ELMO2: variants seen among roughly 807,000 people sequenced by gnomAD.
ELMO2 encodes the protein engulfment and cell motility protein 2.
ELMO2 carries 37 observed loss-of-function variants against 96.2 expected under a neutral mutation model. That is an observed-to-expected ratio of 0.38 (90% CI 0.30 to 0.51). The LOEUF (loss-of-function observed/expected upper bound fraction) is 0.51. Among genes scored for constraint, ELMO2 ranks in the 20% least tolerant of loss-of-function variants. ELMO2 has a pLI of 0.88. For synonymous variants in ELMO2, 315 were observed against 329.4 expected (o/e 0.96, Z 0.47); for missense variants, 561 against 912.6 (o/e 0.61, Z 4.96).
Position 46,375,886 on chromosome 20 carries a change from GGAACA to G in ELMO2, c.808-101_808-97del. The stretch of plus-strand genomic sequence containing the variant: ...AGGAAAAGGAATGTATGTTGGGAAG[GGAACA>G]GAGCTTTCCTCCCACACACGAGGAC... On this transcript the variant is annotated intron_variant, in intron 11 of 21. Transcript: ENST00000290246. The surrounding 1 kb of genome is among the most constrained non-coding windows in gnomAD (Gnocchi z 4.6). The G allele has an allele frequency of 2.0e-6, 3 of 1,505,040 alleles. No individual in the cohort carries two copies. Among genetic ancestry groups the G allele is most frequent in the Admixed American group, 1.9e-5 (1 of 52,702 alleles). The allele number at this position is 1,505,040 out of a possible 1,614,324, so 93.2% of individuals were successfully genotyped here.
chr20:46,399,313 C>T (rs929969487), intron 1 of ELMO2, among the ~76,000 whole-genome samples: 3 of 152,218 alleles, frequency 2.0e-5, no homozygotes, highest in Non-Finnish European at 2.9e-5. Context: ...CACACTCCCT[C>T]GTGTGCTATT....
chr20:46,374,752 C>T, intron 13 of ELMO2, 112 bp from the exon 14 acceptor site: 1 of 857,480 alleles, frequency 1.2e-6, no homozygotes, highest in Admixed American at 2.3e-5. Flanking sequence ...CAGCACCCAC[C>T]TCTGTCCTAG....
Position 46,374,642 on chromosome 20 carries a change from T to C in ELMO2, c.1066-2A>G, listed in dbSNP as rs2059817967. 6.2e-7 allele frequency: 1 copy of C among 1,613,910 alleles called. No individual in the cohort carries two copies. The stretch of plus-strand genomic sequence containing the variant: ...GTCCATGGCTGGATTGATGTGGTTC[T>C]AGAGAAATAAAGACACCCAATTTGA... On this transcript the variant is annotated splice_acceptor_variant, in intron 13 of 21. Transcript: ENST00000290246. LOFTEE classifies it high-confidence loss of function.
intron 20 of ELMO2, 102 bp from the exon 21 acceptor site, chr20:46,369,070 G>T: frequency 9.5e-7 from 1 of 1,056,766 alleles, no homozygotes; most frequent in Non-Finnish European, 1.5e-6. Context: ...CACCAAACAT[G>T]CTGATTCAGA....
rs1322160860 is a variant in ELMO2 at position 46,370,578 on chromosome 20, T to C, written c.1802-53A>G. On this transcript the variant is annotated intron_variant, in intron 19 of 21. Transcript: ENST00000290246. Reference sequence around the variant, plus strand: ...GAAGTTCATGCTGCAAGCTGGTCAGTGCCTACATCAGTGCTGGAAGGGAGG... The same window carrying C: ...GAAGTTCATGCTGCAAGCTGGTCAGCGCCTACATCAGTGCTGGAAGGGAGG... 8 of 1,549,518 alleles carry C rather than the reference T, an allele frequency of 5.2e-6. No individual in the cohort carries two copies. In the African/African-American group the frequency reaches 1.1e-4, roughly 21 times the overall value.
intron 16 of ELMO2, chr20:46,373,102 C>A: frequency 3.0e-6 from 1 of 338,500 alleles, no homozygotes; most frequent in Non-Finnish European, 5.5e-6. Context: ...ACTCAATAAA[C>A]CACAGTGAGT....
rs750012831 is a variant in ELMO2, at chr20:46,374,539, G to T, written c.1167C>A (p.Ile389=). The T allele has an allele frequency of 6.2e-7, 1 of 1,614,050 alleles. No homozygotes were observed. The highest frequency in any genetic ancestry group is 1.3e-5 in the African/African-American group (1 of 74,926). Residue 389 remains isoleucine (I), a synonymous_variant, in exon 14 of 22, where the codon ATC becomes ATA. Coordinates refer to ENST00000290246, the MANE Select transcript of ELMO2 (RefSeq NM_133171.5). ...YLAKVHQDTY[I]RIVLENSSRE... ...AGGCCAGCTCCCCTGCCTTTACCCG[G>T]ATGTAGGTGTCCTGGTGGACTTTAG...
intron 8 of ELMO2, among the ~76,000 whole-genome samples, 168 bp from the exon 9 acceptor site, chr20:46,386,443 T>G (rs993670424): frequency 2.6e-5 from 4 of 152,246 alleles, no homozygotes; most frequent in African/African-American, 9.6e-5. Context: ...GTGCCAGGGA[T>G]TCCCTTGGCA....
At chr20:46,386,021 G>A in intron 9 of ELMO2, 103 bp downstream of exon 9, 2 of 1,340,434 alleles carry the variant, frequency 1.5e-6, no homozygotes, top group Non-Finnish European at 2.0e-6. Flanking sequence ...CCAACCAACA[G>A]CTTGGAATAT....
chr20:46,380,214 G>A, intron 11 of ELMO2, 39 bp downstream of exon 11: 3 of 1,523,022 alleles, frequency 2.0e-6, no homozygotes, highest in Admixed American at 1.7e-5. Flanking sequence ...AATAATTGTT[G>A]TTAATAGTAA....
intron 1 of ELMO2, among the ~76,000 whole-genome samples, chr20:46,403,351 G>T (rs547304015): frequency 4.6e-5 from 7 of 152,334 alleles, no homozygotes; most frequent in African/African-American, 1.7e-4. Flanking sequence ...ACAATGCCTG[G>T]CAAATAAGAA....
intron 9 of ELMO2, 57 bp from the exon 10 acceptor site, chr20:46,383,551 T>C (rs2059993227): frequency 6.9e-7 from 1 of 1,448,730 alleles, no homozygotes; most frequent in African/African-American, 1.4e-5. Context: ...AGCAAGATGA[T>C]GCTTAGAAAT....
chr20:46,380,030 T>C (rs1427185252), intron 11 of ELMO2: 2 of 460,642 alleles, frequency 4.3e-6, no homozygotes, highest in African/African-American at 3.9e-5. Flanking sequence ...CCTTGGTCCC[T>C]CCCTGGACGC....
rs749053010 is a variant in ELMO2 at position 46,371,533 on chromosome 20, C to T, written c.1693+46G>A. 29 of 1,605,048 alleles carry T rather than the reference C, an allele frequency of 1.8e-5. No individual in the cohort carries two copies. Among genetic ancestry groups the T allele is most frequent in the Non-Finnish European group, 2.0e-5 (23 of 1,173,924 alleles). On this transcript the variant is annotated intron_variant, in intron 18 of 21. Transcript: ENST00000290246. This position sits in a 1 kb window ranked among gnomAD's most constrained non-coding sequence, Gnocchi z 5.9. ...AGGCCTGGGCACAAAAGGGGCCATC[C>T]AGGCAGGCTCTTCCCGGCACCAAGG...
Position 46,393,591 on chromosome 20 carries a change from G to A in ELMO2, c.130C>T (p.Pro44Ser), listed in dbSNP as rs1301826964. 2 of 1,613,736 alleles carry A rather than the reference G, an allele frequency of 1.2e-6. No homozygotes were observed. The highest frequency in any genetic ancestry group is 1.7e-6 in the Non-Finnish European group (2 of 1,180,012). ...IKEVCDGWSL[P>S]NPEYYTLRYA... is the part of the protein sequence containing the mutation. The stretch of plus-strand genomic sequence containing the variant: ...CGGAGGGTATAATACTCTGGGTTTG[G>A]CAACGACCACCTATGCAAGAGAAAA... The change falls in exon 5 of 22, where the codon CCA becomes TCA. Residue 44 changes from proline (P) to serine (S), a missense_variant. Coordinates refer to ENST00000290246, the MANE Select transcript of ELMO2 (RefSeq NM_133171.5).
At chr20:46,378,258 T>C (rs552918798) in intron 11 of ELMO2, among the ~76,000 whole-genome samples, 138 of 152,300 alleles carry the variant, frequency 9.1e-4, no homozygotes, top group African/African-American at 3.2e-3. Flanking sequence ...TTCTCTGGCT[T>C]GACTCAGTGA....
chr20:46,368,827 C>T, intron 21 of ELMO2, 64 bp downstream of exon 21: 1 of 1,582,838 alleles, frequency 6.3e-7, no homozygotes, highest in Non-Finnish European at 8.7e-7. Context: ...TTTGCTCATT[C>T]CTGCCACCAA....
chr20:46,376,896 G>A (rs1600836934), intron 11 of ELMO2: 1 of 1,143,786 alleles, frequency 8.7e-7, no homozygotes, highest in East Asian at 5.9e-5. Flanking sequence ...AATTTAAGTT[G>A]AAAATTTGGT....
chr20:46,366,404 G>C lies in ELMO2; in HGVS notation c.*956C>G, dbSNP rs1568738987. On this transcript the variant is annotated 3_prime_UTR_variant, in exon 22 of 22. Transcript: ENST00000290246. ...GCACCAGGGAAGCCCCACTGGCACA[G>C]GTGTGGCCTCAGCCGGCCTCAGCCA... The C allele has an allele frequency of 6.5e-6, 1 of 152,758 alleles. No individual in the cohort carries two copies. The highest frequency in any genetic ancestry group is 1.5e-5 in the Non-Finnish European group (1 of 68,100). 9.5% of individuals were successfully genotyped at this position (152,758 alleles called of 1,614,324 possible). A position where few individuals can be genotyped will look rare whatever the true frequency, so the allele number is the denominator to read the frequency against.
Sources: gnomAD v4.1 joint callset for allele counts (sites outside exome capture counted in the v4.1 genomes callset) on GRCh38, gnomAD v4.1.1 for gene constraint, Gnocchi (gnomAD v3.1) non-coding constraint, MANE v1.5 for transcripts, NCBI Gene and HGNC (gene_info 2026-07-23, HGNC 2026-07-21) for gene names.